PTPRG: variants seen among roughly 807,000 people sequenced by gnomAD.
PTPRG encodes the protein protein tyrosine phosphatase receptor type G.
A neutral mutation model predicts 165.3 loss-of-function variants in PTPRG; 102 were observed. That is an observed-to-expected ratio of 0.62 (90% CI 0.53 to 0.73). The LOEUF is 0.73. Among genes scored for constraint, PTPRG ranks in the 30% least tolerant of loss-of-function variants. The probability of loss-of-function intolerance (pLI) is 0.00; values close to 1 mark genes in which losing one functional copy is unlikely to be tolerated. For synonymous variants in PTPRG, 675 were observed against 669.5 expected (o/e 1.01, Z -0.13); for missense variants, 1,866 against 1,861.4 (o/e 1.00, Z -0.05).
At chr3:62,063,129 C>T (rs1173861805) in intron 4 of PTPRG, among the ~76,000 whole-genome samples, 2 of 152,224 alleles carry the variant, frequency 1.3e-5, no homozygotes, top group South Asian at 2.1e-4. Context: ...AATGATTTAC[C>T]CCTGATCTTA....
intron 1 of PTPRG, chr3:61,743,183 G>A (rs539625399): frequency 3.5e-5 from 27 of 764,870 alleles, no homozygotes; most frequent in African/African-American, 3.4e-4. Flanking sequence ...GGCTGGAAAT[G>A]AGGTAGGCTC....
intron 1 of PTPRG, among the ~76,000 whole-genome samples, chr3:61,724,146 G>C (rs1033025057): frequency 1.3e-5 from 2 of 149,502 alleles, no homozygotes; most frequent in African/African-American, 4.9e-5. Flanking sequence ...GGCACTGGAG[G>C]GGGAGGTTGC....
chr3:61,922,246 A>G (rs956147814), intron 2 of PTPRG, among the ~76,000 whole-genome samples: 4 of 152,264 alleles, frequency 2.6e-5, no homozygotes, highest in Non-Finnish European at 5.9e-5. Context: ...AATTCTGGAA[A>G]GCATTCTTCT....
intron 4 of PTPRG, among the ~76,000 whole-genome samples, chr3:62,060,300 G>A (rs1004988657): frequency 2.0e-5 from 3 of 151,964 alleles, no homozygotes; most frequent in Admixed American, 6.6e-5. Flanking sequence ...AGCCTAAGAA[G>A]GAAACTGAAG....
chr3:61,576,439 T>C (rs1700175475), intron 1 of PTPRG, among the ~76,000 whole-genome samples: 2 of 152,240 alleles, frequency 1.3e-5, no homozygotes, highest in Admixed American at 1.3e-4. Context: ...GTCTTCTTCC[T>C]GTCCCTGTGT....
intron 2 of PTPRG, among the ~76,000 whole-genome samples, chr3:61,947,474 A>G (rs898639453): frequency 2.0e-5 from 3 of 152,210 alleles, no homozygotes; most frequent in Non-Finnish European, 4.4e-5. Flanking sequence ...AAGGAATGTC[A>G]GTGATATATA....
chr3:61,651,608 T>C (rs1024783234), intron 1 of PTPRG, among the ~76,000 whole-genome samples: 14 of 152,186 alleles, frequency 9.2e-5, no homozygotes, highest in African/African-American at 2.9e-4. Context: ...GTGCACCATG[T>C]TGGAAGTTTT....
chr3:62,265,847 TACAC>T lies in PTPRG; in HGVS notation c.2657-1538_2657-1535del, dbSNP rs3046596. Among the ~76,000 whole-genome samples the T allele has an allele frequency of 8.7e-3, 1,103 of 126,918 alleles. 14 individuals are homozygous for T. Among genetic ancestry groups the T allele is most frequent in the Middle Eastern group, 0.021 (5 of 234 alleles). 83.3% of individuals were successfully genotyped at this position (126,918 alleles called of 152,430 possible). A position where few individuals can be genotyped will look rare whatever the true frequency, so the allele number is the denominator to read the frequency against. Reference sequence around the variant, plus strand: ...TGTGCCTTATATATACATACATACATACACACACACACACACACACACACACACG... The same window carrying T: ...TGTGCCTTATATATACATACATACATACACACACACACACACACACACACG... On this transcript the variant is annotated intron_variant, in intron 17 of 29. Coordinates refer to ENST00000474889, the MANE Select transcript of PTPRG (RefSeq NM_002841.4).
At chr3:61,657,292 A>G (rs1319175709) in intron 1 of PTPRG, among the ~76,000 whole-genome samples, 1 of 152,100 alleles carries the variant, frequency 6.6e-6, no homozygotes, top group African/African-American at 2.4e-5. Flanking sequence ...GGGTGAGACT[A>G]TGACCTACTT....
At chr3:62,089,904 G>A (rs184072497) in intron 5 of PTPRG, among the ~76,000 whole-genome samples, 4 of 152,236 alleles carry the variant, frequency 2.6e-5, no homozygotes, top group Admixed American at 2.6e-4. Flanking sequence ...TTTTAAGAAG[G>A]CATTTTATTA....
chr3:61,864,805 G>A (rs2107416692), intron 2 of PTPRG, among the ~76,000 whole-genome samples: 1 of 152,234 alleles, frequency 6.6e-6, no homozygotes, highest in South Asian at 2.1e-4. Context: ...GGAAGACCAG[G>A]GGTTCCATCT....
chr3:62,129,362 G>A (rs1703430664), intron 5 of PTPRG, among the ~76,000 whole-genome samples: 1 of 152,044 alleles, frequency 6.6e-6, no homozygotes, highest in African/African-American at 2.4e-5. Context: ...GCATTAAAAA[G>A]TTCCTGTCGT....
At chr3:61,983,002 A>C (rs990387983) in intron 2 of PTPRG, among the ~76,000 whole-genome samples, 2 of 152,184 alleles carry the variant, frequency 1.3e-5, no homozygotes, top group African/African-American at 4.8e-5. Context: ...TTTAAAACCA[A>C]AAAATGTGTA....
At position 62,292,576 on chromosome 3, in the gene PTPRG, G is replaced by A. The variant is rs367669442; in HGVS notation, c.4191+20G>A. On this transcript the variant is annotated intron_variant, in intron 29 of 29. Coordinates refer to ENST00000474889, the MANE Select transcript of PTPRG (RefSeq NM_002841.4). ...GACATTGTAAGTAGTTTGCTTATGT[G>A]TAAAACCTGTACTACATCAGTTGAA... 1,442 of 1,610,594 alleles carry A rather than the reference G, an allele frequency of 9.0e-4. 2 individuals are homozygous for A. The highest frequency in any genetic ancestry group is 1.2e-3 in the Non-Finnish European group (1,388 of 1,178,232).
intron 2 of PTPRG, among the ~76,000 whole-genome samples, chr3:61,969,937 G>A (rs951724490): frequency 1.3e-5 from 2 of 152,188 alleles, no homozygotes; most frequent in African/African-American, 4.8e-5. Context: ...TATGAAACCA[G>A]TGAGGTTGTT....
At chr3:61,757,396 GT>G (rs1454209821) in intron 2 of PTPRG, among the ~76,000 whole-genome samples, 2 of 151,734 alleles carry the variant, frequency 1.3e-5, no homozygotes, top group Non-Finnish European at 2.9e-5. Flanking sequence ...AATTCAGGCA[GT>G]TTTCTTTGTA....
At chr3:62,099,432 T>TA (rs1201440654) in intron 5 of PTPRG, among the ~76,000 whole-genome samples, 1 of 152,208 alleles carries the variant, frequency 6.6e-6, no homozygotes, top group African/African-American at 2.4e-5. Flanking sequence ...ATTCCACTCT[T>TA]ATGATAGTGA....
intron 4 of PTPRG, among the ~76,000 whole-genome samples, chr3:62,035,459 A>G (rs1036409590): frequency 6.6e-6 from 1 of 152,142 alleles, no homozygotes; most frequent in African/African-American, 2.4e-5. Context: ...AGATGAAATG[A>G]TTAATTGAAT....
intron 2 of PTPRG, among the ~76,000 whole-genome samples, chr3:61,823,477 A>G (rs2036015000): frequency 6.6e-6 from 1 of 151,782 alleles, no homozygotes; most frequent in Admixed American, 6.6e-5. Flanking sequence ...GTGAGCCACC[A>G]GGCCTGGCCG....
Sources: gnomAD v4.1 joint callset for allele counts (sites outside exome capture counted in the v4.1 genomes callset) on GRCh38, gnomAD v4.1.1 for gene constraint, MANE v1.5 for transcripts, NCBI Gene and HGNC (gene_info 2026-07-23, HGNC 2026-07-21) for gene names.